Variants in ZNF568 observed in about 807,000 individuals in gnomAD.
ZNF568 encodes zinc finger protein 568.
Under a neutral mutation model 18.1 loss-of-function variants are expected in ZNF568, and 11 were observed. The ratio of observed to expected loss-of-function variants is 0.61; its 90% CI spans 0.38 to 1.00. ZNF568 has a LOEUF of 1.00. ZNF568 is among the 50% of genes least tolerant of loss of function. ZNF568 has a pLI of 0.01. For synonymous variants in ZNF568, 213 were observed against 246.6 expected (o/e 0.86, Z 1.28); for missense variants, 639 against 768.2 (o/e 0.83, Z 1.99).
intron 4 of ZNF568, among the ~76,000 whole-genome samples, chr19:36,995,183 AG>A (rs1381944326): frequency 6.6e-6 from 1 of 152,014 alleles, no homozygotes; most frequent in African/African-American, 2.4e-5. Context: ...AGATCAATTG[AG>A]GTCAGGTGTT....
At chr19:36,948,992 A>C (rs1455845357) in intron 6 of ZNF568, among the ~76,000 whole-genome samples, 1 of 151,998 alleles carries the variant, frequency 6.6e-6, no homozygotes, top group Non-Finnish European at 1.5e-5. Context: ...GTTTATCCTA[A>C]ATGCTTCTCA....
rs1336676447 is a variant in ZNF568, at chr19:36,937,188, C to A, written c.304C>A (p.Gln102Lys). 1 of 1,613,972 alleles carries A rather than the reference C, an allele frequency of 6.2e-7. No individual in the cohort carries two copies. Among genetic ancestry groups the A allele is most frequent in the South Asian group, 1.1e-5 (1 of 91,058 alleles). Residue 102 changes from glutamine (Q) to lysine (K), a missense_variant, in exon 6 of 7, where the codon CAA (glutamine) becomes AAA (lysine). Physicochemically the swap from Gln to Lys is moderately conservative, Grantham distance 53. Coordinates refer to ENST00000333987, the MANE Select transcript of ZNF568 (RefSeq NM_198539.4). Reference protein sequence around the residue: ...TKPDVIFKLEQEEEPWVMEEE... With the variant: ...TKPDVIFKLEKEEEPWVMEEE... ...ACCGGATGTGATATTCAAGTTGGAGCAAGAAGAGGAGCCCTGGGTGATGGA... is the reference window on the plus strand; with the variant it reads ...ACCGGATGTGATATTCAAGTTGGAGAAAGAAGAGGAGCCCTGGGTGATGGA...
intron 4 of ZNF568, among the ~76,000 whole-genome samples, chr19:36,992,109 G>A (rs1171831736): frequency 6.6e-6 from 1 of 151,772 alleles, no homozygotes; most frequent in African/African-American, 2.4e-5. Context: ...CAGGCCTGGT[G>A]GTGCGTGCCT....
chr19:36,945,210 AGT>A (rs10616521), intron 6 of ZNF568, among the ~76,000 whole-genome samples: 15,653 of 141,786 alleles, frequency 0.11, 829 homozygotes, highest in African/African-American at 0.15. Context: ...CAGAGAGAGA[AGT>A]GTGTGTGTGT....
chr19:36,937,234 A>C lies in ZNF568; in HGVS notation c.350A>C (p.His117Pro). The C allele has an allele frequency of 6.2e-7, 1 of 1,613,820 alleles. No homozygotes were observed. Residue 117 changes from histidine (H) to proline (P), a missense_variant, in exon 6 of 7, where the codon CAC becomes CCC. His to Pro is a moderately conservative substitution (Grantham distance 77). Coordinates refer to ENST00000333987, the MANE Select transcript of ZNF568 (RefSeq NM_198539.4). Reference protein sequence around the residue: ...WVMEEEMFGRHCPEVWEVDEQ... With the variant: ...WVMEEEMFGRPCPEVWEVDEQ... ...ATGGAGGAAGAAATGTTTGGGAGGCACTGTCCAGGTGAATAAGTGAAAAGC... is the reference window on the plus strand; with the variant it reads ...ATGGAGGAAGAAATGTTTGGGAGGCCCTGTCCAGGTGAATAAGTGAAAAGC...
At chr19:36,919,708 G>A (rs187568586) in intron 2 of ZNF568, among the ~76,000 whole-genome samples, 1 of 152,204 alleles carries the variant, frequency 6.6e-6, no homozygotes, top group South Asian at 2.1e-4. Flanking sequence ...ACGTGGCCCA[G>A]GGGTTGAGGA....
rs565304571 is a variant in ZNF568 at position 36,962,499 on chromosome 19, C to T, written c.359-11921C>T. 3.3e-5 allele frequency among the ~76,000 whole-genome samples: 5 copies of T among 151,904 alleles called. No individual in the cohort carries two copies. The South Asian group carries it at 6.2e-4, about 19-fold the overall frequency. Reference sequence around the variant, plus strand: ...GGGATTAGAGGCATGCTCCACCACACGTGGCTAATTTTTGTATTTTTAGTA... The same window carrying T: ...GGGATTAGAGGCATGCTCCACCACATGTGGCTAATTTTTGTATTTTTAGTA... On this transcript the variant is annotated intron_variant, in intron 6 of 7. Transcript: ENST00000427117.
chr19:36,983,214 A>G (rs986838696), downstream of ZNF568, among the ~76,000 whole-genome samples: 3 of 152,196 alleles, frequency 2.0e-5, no homozygotes, highest in Non-Finnish European at 2.9e-5. Flanking sequence ...TGTCCCACAG[A>G]GCCTAAGATA....
downstream of ZNF568, chr19:36,997,730 G>T (rs951763638): frequency 3.1e-5 from 23 of 733,842 alleles, no homozygotes; most frequent in Non-Finnish European, 5.2e-5. Flanking sequence ...AGAAATGAGG[G>T]ATGGCTCAGA....
intron 6 of ZNF568, among the ~76,000 whole-genome samples, chr19:36,969,143 C>T (rs138166681): frequency 1.1e-3 from 175 of 152,260 alleles, no homozygotes; most frequent in African/African-American, 4.0e-3. Flanking sequence ...GTGTGAGCCA[C>T]CACACCCAGC....
rs778531933 is a variant in ZNF568, at chr19:36,936,831, G to A, written c.221G>A (p.Arg74Gln). 3 of 1,613,740 alleles carry A rather than the reference G, an allele frequency of 1.9e-6. No individual in the cohort carries two copies. The highest frequency in any genetic ancestry group is 3.3e-5 in the Admixed American group (2 of 60,006). Reference protein sequence around the residue: ...QMKPAQRNLYRDVMLENYSNL... With the variant: ...QMKPAQRNLYQDVMLENYSNL... ...AAACCTGCTCAAAGAAACTTGTATC[G>A]AGATGTGATGCTGGAGAACTACAGC... Residue 74 changes from arginine to glutamine, a missense_variant, in exon 5 of 7, where the codon CGA (arginine) becomes CAA (glutamine). Arg to Gln is a conservative substitution (Grantham distance 43). Transcript: ENST00000333987.
At chr19:36,984,145 C>T (rs1203149670), downstream of ZNF568, among the ~76,000 whole-genome samples, 1 of 152,094 alleles carries the variant, frequency 6.6e-6, no homozygotes, top group African/African-American at 2.4e-5. Flanking sequence ...ATGATCCCCC[C>T]ACCTCGGCCT....
At chr19:36,935,734 G>T (rs938444844) in intron 4 of ZNF568, among the ~76,000 whole-genome samples, 1 of 151,992 alleles carries the variant, frequency 6.6e-6, no homozygotes. Flanking sequence ...ATGTCCTTTA[G>T]TAACAGTTTT....
downstream of ZNF568, among the ~76,000 whole-genome samples, chr19:36,957,287 A>G (rs2074115129): frequency 8.0e-6 from 1 of 124,306 alleles, no homozygotes. Flanking sequence ...GCTGGAGTGC[A>G]GTGGCGCGAT....
chr19:36,937,702 A>G (rs991515401), intron 6 of ZNF568, among the ~76,000 whole-genome samples: 3 of 152,134 alleles, frequency 2.0e-5, no homozygotes, highest in Admixed American at 1.3e-4. Context: ...TTGGTTAACA[A>G]TAGTTTCACT....
intron 7 of ZNF568, among the ~76,000 whole-genome samples, chr19:36,975,974 G>A (rs187587126): frequency 2.6e-5 from 4 of 152,128 alleles, no homozygotes; most frequent in East Asian, 3.9e-4. Context: ...AATTACAGGC[G>A]TAAGCCACCA....
chr19:36,972,504 C>T (rs2074244128), intron 6 of ZNF568, among the ~76,000 whole-genome samples: 1 of 145,744 alleles, frequency 6.9e-6, no homozygotes, highest in African/African-American at 2.6e-5. Flanking sequence ...CAGGTCGTTT[C>T]CCAGACACCC....
chr19:36,933,439 T>C (rs1191145188), intron 4 of ZNF568, among the ~76,000 whole-genome samples: 2 of 152,168 alleles, frequency 1.3e-5, no homozygotes, highest in East Asian at 3.8e-4. Context: ...TTGTTTTCAA[T>C]GATAAAAGGG....
chr19:36,940,216 A>T (rs571598309), intron 6 of ZNF568, among the ~76,000 whole-genome samples: 1 of 152,344 alleles, frequency 6.6e-6, no homozygotes, highest in African/African-American at 2.4e-5. Flanking sequence ...TGGAATATGT[A>T]TCTTTAATGC....
Sources: gnomAD v4.1 joint callset for allele counts (sites outside exome capture counted in the v4.1 genomes callset) on GRCh38, gnomAD v4.1.1 for gene constraint, MANE v1.5 for transcripts, NCBI Gene and HGNC (gene_info 2026-07-23, HGNC 2026-07-21) for gene names.